KANK4: variants seen among roughly 807,000 people sequenced by gnomAD.
KANK4 encodes the protein KN motif and ankyrin repeat domain-containing protein 4.
In KANK4, 50 loss-of-function variants were observed where a neutral mutation model predicts 80.8. The observed-to-expected ratio is 0.62, with a 90% CI of 0.49 to 0.78. The LOEUF (loss-of-function observed/expected upper bound fraction) is 0.78. KANK4 is among the 30% of genes least tolerant of loss of function. KANK4 has a pLI of 0.00. For synonymous variants in KANK4, 465 were observed against 506.9 expected (o/e 0.92, Z 1.11); for missense variants, 1,196 against 1,240.1 (o/e 0.96, Z 0.53).
intron 1 of KANK4, among the ~76,000 whole-genome samples, chr1:62,314,180 A>C (rs1041480682): frequency 3.3e-5 from 5 of 151,844 alleles, no homozygotes; most frequent in Non-Finnish European, 5.9e-5. Flanking sequence ...TGCCCAGCTA[A>C]TTTTTGTATT....
chr1:62,288,216 G>A (rs1672610452), intron 1 of KANK4, among the ~76,000 whole-genome samples: 1 of 152,130 alleles, frequency 6.6e-6, no homozygotes, highest in Non-Finnish European at 1.5e-5. Flanking sequence ...AAGAATCACG[G>A]GACTGGAGGG....
chr1:62,312,281 T>C (rs1644503910), intron 1 of KANK4, among the ~76,000 whole-genome samples: 1 of 152,158 alleles, frequency 6.6e-6, no homozygotes, highest in African/African-American at 2.4e-5. Flanking sequence ...GCAGCTAAAA[T>C]GTAACATGAA....
chr1:62,278,905 T>A (rs1370694962), intron 2 of KANK4, among the ~76,000 whole-genome samples: 1 of 152,160 alleles, frequency 6.6e-6, no homozygotes, highest in African/African-American at 2.4e-5. Flanking sequence ...GAGATATTTA[T>A]CTAAAGTTAA....
At chr1:62,254,025 G>C in intron 7 of KANK4, among the ~76,000 whole-genome samples, 1 of 152,134 alleles carries the variant, frequency 6.6e-6, no homozygotes, top group East Asian at 1.9e-4. Context: ...ACGTTTGTGT[G>C]TAACAAACTA....
Position 62,273,365 on chromosome 1 carries a change from T to A in KANK4, c.1739A>T (p.His580Leu), listed in dbSNP as rs1167646918. The A allele has an allele frequency of 6.2e-7, 1 of 1,607,868 alleles. No homozygotes were observed. Among genetic ancestry groups the A allele is most frequent in the East Asian group, 2.2e-5 (1 of 44,682 alleles). The change falls in exon 3 of 10, where the codon CAT becomes CTT. Residue 580 changes from histidine to leucine, a missense_variant. By Grantham distance (99) the His-to-Leu change is moderately conservative. Coordinates refer to ENST00000371153, the MANE Select transcript of KANK4 (RefSeq NM_181712.5). ...GGCGCTGGCCAGCTCCGGGTACCCATGCTCCAGGCAGTTCCACTGCTCCTG... is the reference window on the plus strand; with the variant it reads ...GGCGCTGGCCAGCTCCGGGTACCCAAGCTCCAGGCAGTTCCACTGCTCCTG... Reference protein sequence around the residue: ...LLQEQWNCLEHGYPELASAIK... With the variant: ...LLQEQWNCLELGYPELASAIK...
intron 2 of KANK4, among the ~76,000 whole-genome samples, chr1:62,277,348 C>T (rs1347536402): frequency 2.0e-5 from 3 of 152,122 alleles, no homozygotes; most frequent in African/African-American, 7.2e-5. Flanking sequence ...GCCAGGAGAA[C>T]AAAAGAGTAA....
intron 3 of KANK4, chr1:62,271,919 G>C: frequency 3.5e-6 from 1 of 289,058 alleles, no homozygotes; most frequent in Non-Finnish European, 6.8e-6. Context: ...GGAGCAGAAC[G>C]TAGGCCTCTG....
chr1:62,297,992 TCTC>T (rs386631758), intron 1 of KANK4, among the ~76,000 whole-genome samples: 1 of 151,962 alleles, frequency 6.6e-6, no homozygotes, highest in Non-Finnish European at 1.5e-5. Flanking sequence ...TCTCTGTTGT[TCTC>T]TAGGCAGGGC....
intron 1 of KANK4, among the ~76,000 whole-genome samples, chr1:62,317,284 G>A (rs1253407339): frequency 1.3e-5 from 2 of 152,186 alleles, no homozygotes. Flanking sequence ...CTCCCTAAAT[G>A]TTGGGCAGAG....
intron 6 of KANK4, 102 bp downstream of exon 6, chr1:62,266,630 A>T: frequency 1.3e-6 from 1 of 756,386 alleles, no homozygotes. Flanking sequence ...CACTCACACC[A>T]CTGCCTGCCT....
intron 1 of KANK4, among the ~76,000 whole-genome samples, chr1:62,287,371 A>G (rs1051847744): frequency 6.6e-6 from 1 of 152,180 alleles, no homozygotes; most frequent in Non-Finnish European, 1.5e-5. Flanking sequence ...ATGAAGCCTC[A>G]CAGTAAGACA....
In KANK4 at chr1:62,274,757, G is replaced by A. The variant is rs1308449478; in HGVS notation, c.347C>T (p.Pro116Leu). ...QNQSPPLGNAPQASTSRSEVS... is the reference protein window; with the variant it reads ...QNQSPPLGNALQASTSRSEVS... ...CTCACTCCTGCTTGTTGAGGCCTGG[G>A]GGGCATTACCAAGCGGTGGTGACTG... Residue 116 changes from proline (P) to leucine (L), a missense_variant, in exon 3 of 10, where the codon CCC (proline) becomes CTC (leucine). Transcript: ENST00000371153. 2 of 1,614,014 alleles carry A rather than the reference G, an allele frequency of 1.2e-6. No individual in the cohort carries two copies. Among genetic ancestry groups the A allele is most frequent in the South Asian group, 1.1e-5 (1 of 91,080 alleles).
At chr1:62,294,692 T>G (rs1372054417) in intron 1 of KANK4, among the ~76,000 whole-genome samples, 1 of 152,214 alleles carries the variant, frequency 6.6e-6, no homozygotes, top group African/African-American at 2.4e-5. Flanking sequence ...GGAAAGCTGT[T>G]ATTATTTCAC....
chr1:62,317,234 T>A (rs1293785695), intron 1 of KANK4, among the ~76,000 whole-genome samples: 1 of 152,082 alleles, frequency 6.6e-6, no homozygotes, highest in Non-Finnish European at 1.5e-5. Context: ...TTCTTTCTAG[T>A]TTTAAAAGTC....
chr1:62,288,816 G>A (rs1230292037), intron 1 of KANK4, among the ~76,000 whole-genome samples: 1 of 152,118 alleles, frequency 6.6e-6, no homozygotes, highest in Non-Finnish European at 1.5e-5. Flanking sequence ...AATGTTCTTG[G>A]TCCGTGACTT....
At chr1:62,255,314 C>G (rs1043735035) in intron 7 of KANK4, among the ~76,000 whole-genome samples, 3 of 152,154 alleles carry the variant, frequency 2.0e-5, no homozygotes, top group African/African-American at 7.2e-5. Context: ...AGGCATAGAC[C>G]GATAACTGTT....
intron 1 of KANK4, among the ~76,000 whole-genome samples, chr1:62,301,436 C>G (rs1278431817): frequency 6.6e-6 from 1 of 152,080 alleles, no homozygotes; most frequent in Non-Finnish European, 1.5e-5. Context: ...AACACCGACA[C>G]ACAAACAACA....
chr1:62,248,100 C>A (rs551888467), intron 8 of KANK4, among the ~76,000 whole-genome samples: 1 of 152,250 alleles, frequency 6.6e-6, no homozygotes, highest in East Asian at 1.9e-4. Flanking sequence ...TTACTGCCTG[C>A]CCCAGCCTGA....
intron 1 of KANK4, among the ~76,000 whole-genome samples, chr1:62,296,670 G>T (rs774423587): frequency 6.6e-5 from 10 of 151,994 alleles, no homozygotes; most frequent in Admixed American, 2.0e-4. Flanking sequence ...TTCTGCCTCA[G>T]TCTCCTGAGT....
Sources: gnomAD v4.1 joint callset for allele counts (sites outside exome capture counted in the v4.1 genomes callset) on GRCh38, gnomAD v4.1.1 for gene constraint, MANE v1.5 for transcripts, NCBI Gene and HGNC (gene_info 2026-07-23, HGNC 2026-07-21) for gene names.